Variants in INTS7 observed in about 807,000 individuals in gnomAD.
INTS7 encodes chromosome 1 open reading frame 73.
In INTS7, 46 loss-of-function variants were observed where a neutral mutation model predicts 109.2. The ratio of observed to expected loss-of-function variants is 0.42; its 90% confidence interval spans 0.33 to 0.54. INTS7 has a LOEUF of 0.54. Ranked by LOEUF, INTS7 falls within the 20% of genes least tolerant of loss-of-function variation. The pLI, the probability that INTS7 is intolerant of heterozygous loss-of-function variation, is 0.07. For missense variants in INTS7, 929 were observed against 1,132.4 expected (o/e 0.82, Z 2.58); for synonymous variants, 412 against 402.9 (o/e 1.02, Z -0.27).
intron 13 of INTS7, among the ~76,000 whole-genome samples, chr1:211,974,910 C>A (rs554184446): frequency 6.6e-6 from 1 of 152,298 alleles, no homozygotes; most frequent in South Asian, 2.1e-4. Context: ...AGCATCCTGT[C>A]TACACACCAC....
At position 211,981,021 on chromosome 1, in the gene INTS7, G is replaced by C. The variant is rs1482283869; in HGVS notation, c.1230+72C>G. Reference sequence around the variant, plus strand: ...TTCTAAGAGTACAGGAGCTATGTCTGCTTAACTTTGCTTTCTATTGCCTAA... The same window carrying C: ...TTCTAAGAGTACAGGAGCTATGTCTCCTTAACTTTGCTTTCTATTGCCTAA... On this transcript the variant is annotated intron_variant, in intron 10 of 19. Coordinates refer to ENST00000366994, the MANE Select transcript of INTS7 (RefSeq NM_015434.4). The C allele has an allele frequency of 4.9e-6, 4 of 816,330 alleles. No individual in the cohort carries two copies. The African/African-American group carries it at 6.9e-5, about 14-fold the overall frequency. The allele number at this position is 816,330 out of a possible 1,614,324, so 50.6% of individuals were successfully genotyped here.
intron 3 of INTS7, among the ~76,000 whole-genome samples, chr1:212,018,547 C>CA (rs1268190928): frequency 6.7e-6 from 1 of 149,348 alleles, no homozygotes; most frequent in Non-Finnish European, 1.5e-5. Context: ...CAAACATTAC[C>CA]AAAAAAAGCC....
intron 7 of INTS7, among the ~76,000 whole-genome samples, chr1:211,997,650 G>C (rs1029564134): frequency 2.6e-5 from 4 of 151,730 alleles, no homozygotes; most frequent in African/African-American, 9.7e-5. Flanking sequence ...AGGCTGAGAC[G>C]GGCAGATCAC....
In INTS7 at chr1:211,944,947, C is replaced by T. The variant is rs1662788946; in HGVS notation, c.2438G>A (p.Arg813Gln). 5 of 1,613,890 alleles carry T rather than the reference C, an allele frequency of 3.1e-6. No individual in the cohort carries two copies. Among genetic ancestry groups the T allele is most frequent in the East Asian group, 2.2e-5 (1 of 44,898 alleles). ...SIKLALSPSPRNPAEPIAVQN... is the reference protein window; with the variant it reads ...SIKLALSPSPQNPAEPIAVQN... Reference sequence around the variant, plus strand: ...GACAGCAATGGGCTCTGCAGGATTCCGGGGCGATGGTGACAGAGCAAGCTG... The same window carrying T: ...GACAGCAATGGGCTCTGCAGGATTCTGGGGCGATGGTGACAGAGCAAGCTG... The change falls in exon 19 of 20, where the codon CGG becomes CAG. Residue 813 changes from arginine (R) to glutamine (Q), a missense_variant. Coordinates refer to ENST00000366994, the MANE Select transcript of INTS7 (RefSeq NM_015434.4).
At chr1:212,020,744 T>G in intron 2 of INTS7, 1 of 1,017,596 alleles carries the variant, frequency 9.8e-7, no homozygotes, top group Non-Finnish European at 1.2e-6. Context: ...TTCACAGACA[T>G]GCATCTCATG....
At chr1:212,035,274 G>T (rs566111694) in intron 1 of INTS7, 70 bp downstream of exon 1, 2 of 1,064,760 alleles carry the variant, frequency 1.9e-6, no homozygotes, top group South Asian at 2.5e-5. Flanking sequence ...TTCTCCCAAA[G>T]CAACCACCAC....
intron 8 of INTS7, among the ~76,000 whole-genome samples, chr1:211,986,109 G>A (rs1332962157): frequency 6.6e-6 from 1 of 152,116 alleles, no homozygotes; most frequent in East Asian, 1.9e-4. Context: ...CTTTTGTGTT[G>A]GTGGCTTGCT....
intron 17 of INTS7, among the ~76,000 whole-genome samples, chr1:211,951,508 A>T (rs143143245): frequency 0.027 from 4,061 of 152,256 alleles, 80 homozygotes; most frequent in Non-Finnish European, 0.04. Context: ...GGGTTTCACC[A>T]TGTTAGTCAG....
chr1:212,033,369 T>C (rs1352245994), intron 1 of INTS7, among the ~76,000 whole-genome samples: 1 of 152,222 alleles, frequency 6.6e-6, no homozygotes. Flanking sequence ...ACAGATGAGA[T>C]GAAAAAGAAC....
chr1:212,022,695 T>C (rs980499102), intron 1 of INTS7, among the ~76,000 whole-genome samples: 2 of 152,224 alleles, frequency 1.3e-5, no homozygotes, highest in Non-Finnish European at 2.9e-5. Flanking sequence ...TTAGTGGGAA[T>C]GTAAAACTGT....
At chr1:211,964,189 C>G (rs1663768810) in intron 16 of INTS7, among the ~76,000 whole-genome samples, 1 of 152,140 alleles carries the variant, frequency 6.6e-6, no homozygotes, top group Admixed American at 6.6e-5. Flanking sequence ...TTCCTATATA[C>G]CAACAACAGT....
chr1:211,993,937 A>G (rs1372429178), intron 7 of INTS7, among the ~76,000 whole-genome samples: 5 of 152,202 alleles, frequency 3.3e-5, no homozygotes, highest in Non-Finnish European at 7.3e-5. Context: ...ATTCATTTAA[A>G]CCTGAAATAT....
rs1663230609 is a variant in INTS7, at chr1:211,953,798, C to T, written c.2184-1097G>A. Among the ~76,000 whole-genome samples the T allele has an allele frequency of 4.6e-5, 7 of 151,206 alleles. No individual in the cohort carries two copies. The South Asian group carries it at 1.5e-3, about 32-fold the overall frequency. On this transcript the variant is annotated intron_variant, in intron 16 of 19. Transcript: ENST00000366994. ...GCCACATTTTCTTAATCCAGTCTAT[C>T]GTTGTTGGACATTTGGGTTGGTTCC...
intron 4 of INTS7, among the ~76,000 whole-genome samples, chr1:212,014,435 A>G (rs1666306168): frequency 7.4e-6 from 1 of 135,750 alleles, no homozygotes; most frequent in Admixed American, 7.8e-5. Context: ...ACTGTACTCC[A>G]GCCTGGATGA....
At chr1:211,952,851 G>A (rs1663163431) in intron 16 of INTS7, 150 bp from the exon 17 acceptor site, 1 of 773,672 alleles carries the variant, frequency 1.3e-6, no homozygotes, top group Non-Finnish European at 2.0e-6. Context: ...GGCTAGGAGA[G>A]GGTAAGTAGT....
At chr1:211,961,411 T>A (rs976957256) in intron 16 of INTS7, among the ~76,000 whole-genome samples, 2 of 150,906 alleles carry the variant, frequency 1.3e-5, no homozygotes, top group African/African-American at 4.9e-5. Context: ...CAGAAGAGAC[T>A]GTGGGCCAAT....
chr1:211,990,422 T>C (rs553901953), intron 7 of INTS7, among the ~76,000 whole-genome samples: 4 of 152,318 alleles, frequency 2.6e-5, no homozygotes, highest in Admixed American at 1.3e-4. Flanking sequence ...CGTTTCCATA[T>C]TGATGAAAAA....
chr1:212,013,263 C>A (rs893438091), intron 4 of INTS7, among the ~76,000 whole-genome samples: 2 of 152,136 alleles, frequency 1.3e-5, no homozygotes, highest in African/African-American at 4.8e-5. Flanking sequence ...TCAAGTGATA[C>A]CCCGGCCTCA....
chr1:211,945,268 C>T (rs1662801303), intron 18 of INTS7, among the ~76,000 whole-genome samples: 1 of 152,130 alleles, frequency 6.6e-6, no homozygotes, highest in Non-Finnish European at 1.5e-5. Flanking sequence ...GACAATGAAC[C>T]ACTTCTAGTA....
Sources: gnomAD v4.1 joint callset for allele counts (sites outside exome capture counted in the v4.1 genomes callset) on GRCh38, gnomAD v4.1.1 for gene constraint, MANE v1.5 for transcripts, NCBI Gene and HGNC (gene_info 2026-07-23, HGNC 2026-07-21) for gene names.